The following L2HGDH variants were observed in gnomAD, a reference collection of about 807,000 sequenced individuals.
The protein encoded by L2HGDH is L-2-hydroxyglutarate dehydrogenase, mitochondrial.
A neutral mutation model predicts 51.5 loss-of-function variants in L2HGDH; 34 were observed. That is an observed-to-expected ratio of 0.66 (90% CI 0.50 to 0.88). The LOEUF is 0.88. Among genes scored for constraint, L2HGDH ranks in the 40% least tolerant of loss-of-function variants. L2HGDH has a pLI of 0.00. For synonymous variants in L2HGDH, 198 were observed against 197.9 expected (o/e 1.00, Z -0.01); for missense variants, 558 against 571.9 (o/e 0.98, Z 0.25).
chr14:50,277,705 G>A (rs1467223277), intron 6 of L2HGDH, among the ~76,000 whole-genome samples: 2 of 151,480 alleles, frequency 1.3e-5, no homozygotes, highest in South Asian at 2.1e-4. Flanking sequence ...CCCGAGAGGC[G>A]GAGCTTGCAG....
chr14:50,245,054 C>G lies in L2HGDH; in HGVS notation c.*2004G>C. 1.0e-6 allele frequency: 1 copy of G among 985,796 alleles called. No homozygotes were observed. Among genetic ancestry groups the G allele is most frequent in the Non-Finnish European group, 1.2e-6 (1 of 829,918 alleles). 61.1% of individuals were successfully genotyped at this position (985,796 alleles called of 1,614,324 possible). A position where few individuals can be genotyped will look rare whatever the true frequency, so the allele number is the denominator to read the frequency against. ...AAACACATATATACAGGATATACCA[C>G]AGCACTGGGCATCAACTTAAAATAC... is the stretch of plus-strand genomic sequence containing the variant. On this transcript the variant is annotated 3_prime_UTR_variant, in exon 10 of 10. Transcript: ENST00000267436.
chr14:50,292,866 C>T (rs948547994), intron 4 of L2HGDH, among the ~76,000 whole-genome samples: 1 of 150,218 alleles, frequency 6.7e-6, no homozygotes, highest in Non-Finnish European at 1.5e-5. Context: ...GCCTGGGTGA[C>T]AAAGAGAGAC....
intron 5 of L2HGDH, among the ~76,000 whole-genome samples, chr14:50,279,074 C>A (rs556781965): frequency 4.6e-5 from 7 of 152,236 alleles, no homozygotes; most frequent in African/African-American, 1.7e-4. Context: ...TTTTATAAAG[C>A]GTATGTAGAG....
chr14:50,281,304 T>C (rs1344041035), intron 5 of L2HGDH, among the ~76,000 whole-genome samples: 3 of 152,120 alleles, frequency 2.0e-5, no homozygotes, highest in Non-Finnish European at 4.4e-5. Context: ...TAATAAATTG[T>C]CATTCAAGCT....
intron 9 of L2HGDH, among the ~76,000 whole-genome samples, chr14:50,254,060 G>A (rs1462562914): frequency 6.6e-6 from 1 of 152,000 alleles, no homozygotes; most frequent in Non-Finnish European, 1.5e-5. Context: ...CAGGGGAGGT[G>A]GGGATGGTTA....
chr14:50,281,846 T>A (rs1890290210), intron 5 of L2HGDH, among the ~76,000 whole-genome samples: 1 of 152,132 alleles, frequency 6.6e-6, no homozygotes, highest in Admixed American at 6.5e-5. Context: ...TTTTATTTTT[T>A]TTGTGTGTGT....
intron 9 of L2HGDH, among the ~76,000 whole-genome samples, chr14:50,255,363 C>T (rs1411387480): frequency 2.0e-5 from 3 of 151,696 alleles, no homozygotes; most frequent in African/African-American, 7.3e-5. Context: ...GGCAAACCCC[C>T]GTCTCTACTA....
chr14:50,254,077 A>G (rs1262117999), intron 9 of L2HGDH, among the ~76,000 whole-genome samples: 1 of 151,864 alleles, frequency 6.6e-6, no homozygotes, highest in Non-Finnish European at 1.5e-5. Flanking sequence ...GTTAATGGAT[A>G]CCTCCCCCCA....
At chr14:50,294,385 T>C (rs2029910975) in intron 3 of L2HGDH, 139 bp from the exon 4 acceptor site, 10 of 773,690 alleles carry the variant, frequency 1.3e-5, no homozygotes, top group Admixed American at 5.9e-5. Flanking sequence ...TCTTCACATA[T>C]CTAATTCTTC....
Position 50,247,001 on chromosome 14 carries a change from A to C in L2HGDH, c.*57T>G. On this transcript the variant is annotated 3_prime_UTR_variant, in exon 10 of 10. Coordinates refer to ENST00000267436, the MANE Select transcript of L2HGDH (RefSeq NM_024884.3). Reference sequence around the variant, plus strand: ...ATTTTTTAAATTAAAGAATGCAATTAGTACATTCTTGTTGCTGACATGAAG... The same window carrying C: ...ATTTTTTAAATTAAAGAATGCAATTCGTACATTCTTGTTGCTGACATGAAG... 6.4e-7 allele frequency: 1 copy of C among 1,571,366 alleles called. No individual in the cohort carries two copies. The highest frequency in any genetic ancestry group is 8.7e-7 in the Non-Finnish European group (1 of 1,153,336).
At chr14:50,292,702 T>C (rs1317262866) in intron 4 of L2HGDH, among the ~76,000 whole-genome samples, 1 of 151,834 alleles carries the variant, frequency 6.6e-6, no homozygotes, top group Non-Finnish European at 1.5e-5. Flanking sequence ...TGAAACTCCA[T>C]CTCAAAATAA....
intron 4 of L2HGDH, chr14:50,287,138 T>C: frequency 2.1e-6 from 2 of 963,228 alleles, no homozygotes; most frequent in Non-Finnish European, 2.5e-6. Context: ...TACATATAAT[T>C]TCATTACCTA....
chr14:50,290,256 G>A (rs1163985299), intron 4 of L2HGDH, among the ~76,000 whole-genome samples: 1 of 151,642 alleles, frequency 6.6e-6, no homozygotes, highest in Admixed American at 6.6e-5. Flanking sequence ...GACAGAGTGA[G>A]ACTCCGTCTC....
chr14:50,244,539 T>C lies in L2HGDH; in HGVS notation c.*2519A>G. ...CAGAAAAATATCCTGTGTTTGCATTTCTTGCAGGAATCAGCTGTTATAAAG... is the reference window on the plus strand; with the variant it reads ...CAGAAAAATATCCTGTGTTTGCATTCCTTGCAGGAATCAGCTGTTATAAAG... On this transcript the variant is annotated 3_prime_UTR_variant, in exon 10 of 10. Transcript: ENST00000267436. 1.0e-6 allele frequency: 1 copy of C among 985,482 alleles called. No homozygotes were observed. Among genetic ancestry groups the C allele is most frequent in the Non-Finnish European group, 1.2e-6 (1 of 829,938 alleles). 61.0% of individuals were successfully genotyped at this position (985,482 alleles called of 1,614,324 possible). A position where few individuals can be genotyped will look rare whatever the true frequency, so the allele number is the denominator to read the frequency against.
chr14:50,247,048 C>T lies in L2HGDH; in HGVS notation c.*10G>A. The T allele has an allele frequency of 6.2e-7, 1 of 1,611,760 alleles. No homozygotes were observed. Among genetic ancestry groups the T allele is most frequent in the Middle Eastern group, 1.8e-4 (1 of 5,508 alleles). ...GAAGATTACAGTGCATACCTAGCTC[C>T]TTTCATTATTTATAATTCAAATCTT... On this transcript the variant is annotated 3_prime_UTR_variant, in exon 10 of 10. Coordinates refer to ENST00000267436, the MANE Select transcript of L2HGDH (RefSeq NM_024884.3).
chr14:50,263,658 C>T (rs999808639), intron 9 of L2HGDH, among the ~76,000 whole-genome samples: 7 of 151,632 alleles, frequency 4.6e-5, no homozygotes, highest in East Asian at 1.9e-4. Context: ...TTAGGCCTAA[C>T]GAATGGCTTG....
chr14:50,247,092 A>G lies in L2HGDH; in HGVS notation c.1358T>C (p.Ile453Thr). ...AAATCTTTGTTGTACTTCATCTGCA[A>G]TCATTCCAGAAATTGCAATGGAAGA... ...ATSSIAISGM[I>T]ADEVQQRFEL Residue 453 changes from isoleucine to threonine, a missense_variant, in exon 10 of 10, where the codon ATT (isoleucine) becomes ACT (threonine). Coordinates refer to ENST00000267436, the MANE Select transcript of L2HGDH (RefSeq NM_024884.3). 1 of 1,613,810 alleles carries G rather than the reference A, an allele frequency of 6.2e-7. No homozygotes were observed.
At position 50,250,099 on chromosome 14, in the gene L2HGDH, G is replaced by A. The variant is rs1257465550; in HGVS notation, c.1197-2846C>T. 1.3e-4 allele frequency among the ~76,000 whole-genome samples: 19 copies of A among 151,882 alleles called. 2 individuals carry two copies. Among genetic ancestry groups the A allele is most frequent in the Admixed American group, 9.2e-4 (14 of 15,242 alleles). On this transcript the variant is annotated intron_variant, in intron 9 of 9. Transcript: ENST00000267436. ...GTATTTTTAGTAGAGATGGGGTTTCGCCATGGTGGCCAGGCTGGTCTCGAA... is the reference window on the plus strand; with the variant it reads ...GTATTTTTAGTAGAGATGGGGTTTCACCATGGTGGCCAGGCTGGTCTCGAA...
chr14:50,277,496 C>T (rs1277213489), intron 6 of L2HGDH, among the ~76,000 whole-genome samples: 1 of 151,738 alleles, frequency 6.6e-6, no homozygotes, highest in Non-Finnish European at 1.5e-5. Context: ...TGGCAGAGGG[C>T]CAGGCGTGGT....
Sources: allele counts gnomAD v4.1 joint callset (sites outside exome capture counted in the v4.1 genomes callset), GRCh38; gene constraint gnomAD v4.1.1; transcripts MANE v1.5; gene names NCBI Gene and HGNC (gene_info 2026-07-23, HGNC 2026-07-21).